The following TYW1 variants were observed in gnomAD, a reference collection of about 807,000 sequenced individuals.
TYW1 encodes tRNA-yW synthesizing protein 1 homolog.
A neutral mutation model predicts 96.2 loss-of-function variants in TYW1; 46 were observed. That is an observed-to-expected ratio of 0.48 (90% CI 0.38 to 0.61). TYW1 has a LOEUF of 0.61. Among genes scored for constraint, TYW1 ranks in the 20% least tolerant of loss-of-function variants. TYW1 has a pLI of 0.00. For missense variants in TYW1, 684 were observed against 909.6 expected, an observed-to-expected ratio of 0.75 and a Z score of 3.19; for synonymous variants, 274 against 323.0, an observed-to-expected ratio of 0.85 and a Z score of 1.63.
intron 15 of TYW1, among the ~76,000 whole-genome samples, chr7:67,214,423 C>T (rs2116401262): frequency 6.6e-6 from 1 of 152,216 alleles, no homozygotes; most frequent in African/African-American, 2.4e-5. Context: ...GGATCTTCTA[C>T]ATGTATAATC....
At chr7:67,148,009 A>G (rs984422298) in intron 13 of TYW1, among the ~76,000 whole-genome samples, 32 of 152,052 alleles carry the variant, frequency 2.1e-4, no homozygotes, top group Non-Finnish European at 4.1e-4. Context: ...TACCAAAGTA[A>G]TCTCAATGGT....
At chr7:67,148,634 T>C (rs1399385068) in intron 13 of TYW1, among the ~76,000 whole-genome samples, 2 of 152,052 alleles carry the variant, frequency 1.3e-5, no homozygotes, top group Admixed American at 6.5e-5. Context: ...GGTTTCACTG[T>C]GTTAGCCAGG....
At chr7:67,171,886 A>C (rs564431215) in intron 13 of TYW1, among the ~76,000 whole-genome samples, 1 of 152,202 alleles carries the variant, frequency 6.6e-6, no homozygotes, top group South Asian at 2.1e-4. Flanking sequence ...ACAAGACATT[A>C]CCATTTTTGT....
chr7:67,141,559 T>C (rs1563036433), intron 13 of TYW1, among the ~76,000 whole-genome samples: 1 of 152,206 alleles, frequency 6.6e-6, no homozygotes, highest in East Asian at 1.9e-4. Flanking sequence ...AGCCAAAATA[T>C]TTCACTGGAA....
intron 13 of TYW1, among the ~76,000 whole-genome samples, chr7:67,144,367 C>G (rs905599348): frequency 6.6e-6 from 1 of 152,212 alleles, no homozygotes; most frequent in African/African-American, 2.4e-5. Context: ...ATTCATATAT[C>G]ATCAGATTGT....
At chr7:67,167,192 G>T (rs542700875) in intron 13 of TYW1, among the ~76,000 whole-genome samples, 21 of 152,212 alleles carry the variant, frequency 1.4e-4, no homozygotes, top group African/African-American at 4.6e-4. Context: ...AGTCATGGCC[G>T]GGCGCGGCGG....
At position 67,089,897 on chromosome 7, in the gene TYW1, G is replaced by GT. The variant is rs557721067; in HGVS notation, c.1384+6359dup. Among the ~76,000 whole-genome samples the GT allele has an allele frequency of 1.8e-4, 27 of 152,266 alleles. No individual in the cohort carries two copies. The South Asian group carries it at 5.2e-3, about 29-fold the overall frequency. On this transcript the variant is annotated intron_variant, in intron 11 of 15. Transcript: ENST00000359626. ...CAAAATGCTGCCTGCCCCCTTCTAAGTACTACCATGGCAGGGAGAAATAGT... is the reference window on the plus strand; with the variant it reads ...CAAAATGCTGCCTGCCCCCTTCTAAGTTACTACCATGGCAGGGAGAAATAGT...
rs1191755085 is a variant in TYW1 at position 67,083,489 on chromosome 7, T to A, written c.1334T>A (p.Ile445Asn). ...TGGAAGATGGACCAGCCTGAAATGA[T>A]CTTGAAGGAAGCCATTGAAAACCAT... ...WRWKMDQPEM[I>N]LKEAIENHQN... The change falls in exon 11 of 16, where the codon ATC becomes AAC. Residue 445 changes from isoleucine (I) to asparagine (N), a missense_variant. Coordinates refer to ENST00000359626, the MANE Select transcript of TYW1 (RefSeq NM_018264.4). The A allele has an allele frequency of 6.2e-7, 1 of 1,614,158 alleles. No homozygotes were observed. Among genetic ancestry groups the A allele is most frequent in the South Asian group, 1.1e-5 (1 of 91,082 alleles).
At chr7:67,186,131 C>T (rs1372333188) in intron 14 of TYW1, among the ~76,000 whole-genome samples, 1 of 145,114 alleles carries the variant, frequency 6.9e-6, no homozygotes, top group Non-Finnish European at 1.5e-5. Context: ...ACCTTGCCAA[C>T]ATCAGAGATT....
chr7:67,092,330 C>G (rs1796747823), intron 11 of TYW1, among the ~76,000 whole-genome samples: 2 of 151,906 alleles, frequency 1.3e-5, no homozygotes, highest in African/African-American at 2.4e-5. Flanking sequence ...TATCCTCTCT[C>G]CTTGCCCCTC....
chr7:67,031,117 C>T (rs1248512068), intron 7 of TYW1, among the ~76,000 whole-genome samples: 1 of 128,720 alleles, frequency 7.8e-6, no homozygotes, highest in Non-Finnish European at 1.6e-5. Context: ...CACTTGAACC[C>T]GGGAGGCGGA....
At position 67,049,187 on chromosome 7, in the gene TYW1, A is replaced by G. The variant is rs190830329; in HGVS notation, c.985-762A>G. Among the ~76,000 whole-genome samples the G allele has an allele frequency of 1.3e-4, 20 of 152,310 alleles. No homozygotes were observed. In the East Asian group the frequency reaches 3.1e-3, roughly 24 times the overall value. On this transcript the variant is annotated intron_variant, in intron 7 of 15. Transcript: ENST00000359626. Reference sequence around the variant, plus strand: ...CTAATTTATTGAACGCCTATTGTACATCAGGGGTTGTGCTGTGATTTTATT... The same window carrying G: ...CTAATTTATTGAACGCCTATTGTACGTCAGGGGTTGTGCTGTGATTTTATT...
intron 11 of TYW1, among the ~76,000 whole-genome samples, chr7:67,095,660 A>AAACAACAACAAC (rs56747081): frequency 5.9e-5 from 8 of 136,556 alleles, no homozygotes; most frequent in East Asian, 4.2e-4. Context: ...TCTGTCTCAA[A>AAACAACAACAAC]AACAACAACA....
intron 12 of TYW1, among the ~76,000 whole-genome samples, chr7:67,103,643 T>G (rs1321047050): frequency 6.6e-6 from 1 of 152,220 alleles, no homozygotes; most frequent in Admixed American, 6.5e-5. Flanking sequence ...TCTTACTTAT[T>G]TCTGTGAATA....
At chr7:67,035,957 G>A (rs975611783) in intron 7 of TYW1, among the ~76,000 whole-genome samples, 17 of 150,740 alleles carry the variant, frequency 1.1e-4, no homozygotes, top group African/African-American at 2.4e-4. Flanking sequence ...GATTACAGGC[G>A]TGAGCCACTG....
chr7:67,071,566 CCTCAGCCTCCTGAGTAGCT>C (rs1268295737), intron 10 of TYW1, among the ~76,000 whole-genome samples: 4 of 151,882 alleles, frequency 2.6e-5, no homozygotes, highest in Admixed American at 2.6e-4. Context: ...AATTCTCATT[CCTCAGCCTCCTGAGTAGCT>C]AGGATTACAG....
intron 13 of TYW1, among the ~76,000 whole-genome samples, chr7:67,168,595 G>A (rs1368629209): frequency 1.3e-5 from 2 of 152,090 alleles, no homozygotes; most frequent in East Asian, 1.9e-4. Flanking sequence ...AAATGACTTT[G>A]TGTAACTGCC....
intron 7 of TYW1, among the ~76,000 whole-genome samples, chr7:67,046,666 A>G (rs1356569037): frequency 6.6e-6 from 1 of 152,206 alleles, no homozygotes; most frequent in South Asian, 2.1e-4. Context: ...TAGAATTTGA[A>G]TGGTGCATTC....
At chr7:67,029,099 C>T (rs1298919967) in intron 7 of TYW1, among the ~76,000 whole-genome samples, 2 of 151,508 alleles carry the variant, frequency 1.3e-5, no homozygotes, top group African/African-American at 4.9e-5. Context: ...CCTGGGTTCA[C>T]GTCATTCTCC....
Sources: allele counts gnomAD v4.1 joint callset (sites outside exome capture counted in the v4.1 genomes callset), GRCh38; gene constraint gnomAD v4.1.1; transcripts MANE v1.5; gene names NCBI Gene and HGNC (gene_info 2026-07-23, HGNC 2026-07-21).